BAP1: variants seen among roughly 807,000 people sequenced by gnomAD.
BAP1 encodes BRCA1 associated deubiquitinase 1, also known as ubiquitin carboxyl-terminal hydrolase BAP1.
BAP1 carries 16 observed loss-of-function variants against 77.2 expected under a neutral mutation model. The observed-to-expected ratio is 0.21, with a 90% confidence interval of 0.14 to 0.31. BAP1 has a LOEUF of 0.31. Ranked by LOEUF, BAP1 falls within the 10% of genes least tolerant of loss-of-function variation. The pLI is 1.00. For synonymous variants in BAP1, 362 were observed against 385.2 expected (o/e 0.94, Z 0.71); for missense variants, 699 against 967.3 (o/e 0.72, Z 3.68).
At position 52,401,740 on chromosome 3, in the gene BAP1, A is replaced by C; in HGVS notation, c.*548T>G. On this transcript the variant is annotated 3_prime_UTR_variant, in exon 17 of 17. Transcript: ENST00000460680. ...CTCTCCTAAGAGGAATGAAGAGAGA[A>C]GACCTGGCTTCCTTACAACAGGGAC... 1 of 246,160 alleles carries C rather than the reference A, an allele frequency of 4.1e-6. No homozygotes were observed. The highest frequency in any genetic ancestry group is 5.8e-5 in the East Asian group (1 of 17,294). The allele number at this position is 246,160 out of a possible 1,614,324, so 15.2% of individuals were successfully genotyped here. A position where few individuals can be genotyped will look rare whatever the true frequency, so the allele number is the denominator to read the frequency against.
chr3:52,409,520 G>T (rs937239222), intron 3 of BAP1, 34 bp downstream of exon 3: 1 of 1,613,444 alleles, frequency 6.2e-7, no homozygotes, highest in African/African-American at 1.3e-5. Flanking sequence ...AGCACTCTGG[G>T]TGTAAGGGGC....
rs2153226664 is a variant in BAP1, at chr3:52,403,576, G to A, written c.1569C>T (p.Val523=). The A allele has an allele frequency of 6.2e-7, 1 of 1,614,158 alleles. No individual in the cohort carries two copies. The highest frequency in any genetic ancestry group is 8.5e-7 in the Non-Finnish European group (1 of 1,180,016). ...AAAGCACCTTGGAGATGTGGGAGGT[G>A]ACAGGGCTGGAGGGCCGCGTCGGGT... The part of the protein sequence containing the change: ...SANPTRPSSP[V]TSHISKVLFG... The change falls in exon 13 of 17, where the codon GTC becomes GTT. Residue 523 remains valine (V), a synonymous_variant. Coordinates refer to ENST00000460680, the MANE Select transcript of BAP1 (RefSeq NM_004656.4). The surrounding 1 kb of genome is among the most constrained non-coding windows in gnomAD (Gnocchi z 4.0).
At chr3:52,405,721 C>A in intron 10 of BAP1, 44 bp downstream of exon 10, 1 of 1,610,196 alleles carries the variant, frequency 6.2e-7, no homozygotes, top group Non-Finnish European at 8.5e-7. Context: ...CAGACATTAG[C>A]GGGTGGCTCT....
intron 10 of BAP1, 198 bp from the exon 11 acceptor site, chr3:52,405,492 GAAAAAAA>G (rs71084182): frequency 2.0e-4 from 16 of 81,290 alleles, no homozygotes; most frequent in East Asian, 3.2e-4. Context: ...GAAGCAGGAA[GAAAAAAA>G]AAAAAAAAAA....
rs1705009525 is a variant in BAP1 at position 52,402,823 on chromosome 3, C to G, written c.1939G>C (p.Glu647Gln). The G allele has an allele frequency of 1.9e-6, 3 of 1,614,238 alleles. No homozygotes were observed. The highest frequency in any genetic ancestry group is 2.5e-6 in the Non-Finnish European group (3 of 1,180,042). Residue 647 changes from glutamate to glutamine, a missense_variant, in exon 15 of 17, where the codon GAG (glutamate) becomes CAG (glutamine). Glu to Gln is a conservative substitution (Grantham distance 29). Transcript: ENST00000460680. The surrounding 1 kb of genome is among the most constrained non-coding windows in gnomAD (Gnocchi z 5.3). ...TCTACCTCCTCCTTGAGGCACGCCT[C>G]ATAGTTTGCAATCTCAGCCTCCACA... is the stretch of plus-strand genomic sequence containing the variant. The part of the protein sequence containing the change: ...KCVEAEIANY[E>Q]ACLKEEVEKR...
At chr3:52,404,965 G>C in intron 11 of BAP1, 145 bp downstream of exon 11, 3 of 1,090,058 alleles carry the variant, frequency 2.8e-6, no homozygotes. Context: ...TTTCATATCA[G>C]GCAGAGGAAC....
intron 10 of BAP1, 83 bp from the exon 11 acceptor site, chr3:52,405,377 C>G: frequency 6.4e-7 from 1 of 1,562,496 alleles, no homozygotes; most frequent in South Asian, 1.1e-5. Flanking sequence ...TGTGAACCAG[C>G]ACTTCCCAGA....
chr3:52,405,492 G>GAGAA, intron 10 of BAP1, 198 bp from the exon 11 acceptor site: 1 of 79,626 alleles, frequency 1.3e-5, no homozygotes. Flanking sequence ...GAAGCAGGAA[G>GAGAA]AAAAAAAAAA....
At chr3:52,407,376 C>T (rs763153082) in intron 6 of BAP1, 23 bp downstream of exon 6, 1 of 1,613,924 alleles carries the variant, frequency 6.2e-7, no homozygotes, top group South Asian at 1.1e-5. Flanking sequence ...CACCCCACAT[C>T]AGCTCCCACA....
chr3:52,403,132 G>A lies in BAP1; in HGVS notation c.1890+6C>T, dbSNP rs759370336. 2 of 1,612,672 alleles carry A rather than the reference G, an allele frequency of 1.2e-6. No individual in the cohort carries two copies. Among genetic ancestry groups the A allele is most frequent in the African/African-American group, 1.3e-5 (1 of 75,046 alleles). On this transcript the variant is annotated splice_donor_region_variant and intron_variant, in intron 14 of 16. Coordinates refer to ENST00000460680, the MANE Select transcript of BAP1 (RefSeq NM_004656.4). This position sits in a 1 kb window ranked among gnomAD's most constrained non-coding sequence, Gnocchi z 4.0. The stretch of plus-strand genomic sequence containing the variant: ...ATTAAAGGAGAAAACCACAACGGAG[G>A]CTCACCTTGGGTGAGTATTTCTCCC...
rs768046980 is a variant in BAP1 at position 52,407,431 on chromosome 3, C to T, written c.405G>A (p.Pro135=). The change falls in exon 6 of 17, where the codon CCG becomes CCA. Residue 135 remains proline (P), a synonymous_variant. Transcript: ENST00000460680. ...GGCTATTATGGGCCTTGGCCAACTC[C>T]GGGGCATTGCCAATCGCATATCCTT... ...ESKGYAIGNA[P]ELAKAHNSHA... 12 of 1,614,056 alleles carry T rather than the reference C, an allele frequency of 7.4e-6. No homozygotes were observed. The highest frequency in any genetic ancestry group is 1.6e-4 in the Middle Eastern group (1 of 6,084).
chr3:52,403,339 C>T lies in BAP1; in HGVS notation c.1730-41G>A, dbSNP rs766582780. 11 of 1,612,760 alleles carry T rather than the reference C, an allele frequency of 6.8e-6. No individual in the cohort carries two copies. In the African/African-American group the frequency reaches 1.5e-4, roughly 22 times the overall value. On this transcript the variant is annotated intron_variant, in intron 13 of 16. Transcript: ENST00000460680. The surrounding 1 kb of genome is among the most constrained non-coding windows in gnomAD (Gnocchi z 4.0). ...ACAAGAAAATCATCAGAGTGCAGGACACTTTGTGGTCACTTGGCCACTTCC... is the reference window on the plus strand; with the variant it reads ...ACAAGAAAATCATCAGAGTGCAGGATACTTTGTGGTCACTTGGCCACTTCC...
rs1553645941 is a variant in BAP1, at chr3:52,408,019, C to A, written c.314G>T (p.Ser105Ile). Residue 105 changes from serine (S) to isoleucine (I), a missense_variant, in exon 5 of 17, where the codon AGC (serine) becomes ATC (isoleucine). Physicochemically the swap from Ser to Ile is moderately radical, Grantham distance 142 (BLOSUM62 -2). This residue lies in a region of BAP1 where 160 missense variants were observed against 322.8 expected (regional missense o/e 0.50). Coordinates refer to ENST00000460680, the MANE Select transcript of BAP1 (RefSeq NM_004656.4). ...ACTCAGGGTGGGTCCCAGGTCCACG[C>A]TGCTGCAGTTCAGGAGCACGCTCAG... is the stretch of plus-strand genomic sequence containing the variant. ...ALLSVLLNCS[S>I]VDLGPTLSRM... 6.2e-7 allele frequency: 1 copy of A among 1,613,880 alleles called. No individual in the cohort carries two copies.
intron 4 of BAP1, 53 bp downstream of exon 4, chr3:52,408,421 G>A (rs1168961252): frequency 3.1e-6 from 5 of 1,596,164 alleles, no homozygotes; most frequent in South Asian, 1.1e-5. Flanking sequence ...CACTTCCCAA[G>A]CAAAAACATG....
Position 52,406,405 on chromosome 3 carries a change from A to C in BAP1, c.660-29T>G. On this transcript the variant is annotated intron_variant, in intron 8 of 16. Coordinates refer to ENST00000460680, the MANE Select transcript of BAP1 (RefSeq NM_004656.4). The surrounding 1 kb of genome is among the most constrained non-coding windows in gnomAD (Gnocchi z 4.6). ...CAGTCACAGCCGCAGCCGTGAGAGC[A>C]GCTCCCGCCCCGGCCCCGCCATCAG... is the stretch of plus-strand genomic sequence containing the variant. 6.2e-7 allele frequency: 1 copy of C among 1,611,462 alleles called. No individual in the cohort carries two copies. The highest frequency in any genetic ancestry group is 8.5e-7 in the Non-Finnish European group (1 of 1,179,898).
Position 52,406,888 on chromosome 3 carries a change from C to T in BAP1, c.600G>A (p.Glu200=), listed in dbSNP as rs1225054800. Reference sequence around the variant, plus strand: ...CCCGCCGGGCCTTGTCTGTCCACTCCTCGTCCTCCCCCCAGGGCCCTAGTG... The same window carrying T: ...CCCGCCGGGCCTTGTCTGTCCACTCTTCGTCCTCCCCCCAGGGCCCTAGTG... ...PIDHGPWGED[E]EWTDKARRVI... Residue 200 remains glutamate (E), a synonymous_variant, in exon 8 of 17, where the codon GAG becomes GAA. Coordinates refer to ENST00000460680, the MANE Select transcript of BAP1 (RefSeq NM_004656.4). The surrounding 1 kb of genome is among the most constrained non-coding windows in gnomAD (Gnocchi z 4.6). 1 of 1,571,228 alleles carries T rather than the reference C, an allele frequency of 6.4e-7. No homozygotes were observed. The highest frequency in any genetic ancestry group is 8.6e-7 in the Non-Finnish European group (1 of 1,157,306).
Position 52,406,085 on chromosome 3 carries a change from T to TC in BAP1, c.783+167dup, listed in dbSNP as rs1705147536. 2.6e-5 allele frequency among the ~76,000 whole-genome samples: 4 copies of TC among 152,100 alleles called. No homozygotes were observed. The South Asian group carries it at 8.3e-4, about 32-fold the overall frequency. On this transcript the variant is annotated intron_variant, in intron 9 of 16. Transcript: ENST00000460680. This position sits in a 1 kb window ranked among gnomAD's most constrained non-coding sequence, Gnocchi z 4.6. ...TTTAGAAGCTATTCTCCCTCCCCAC[T>TC]CCAAGTCCCACCTTTCCCACAATGG...
At chr3:52,404,701 C>T in intron 11 of BAP1, 115 bp from the exon 12 acceptor site, 1 of 1,452,892 alleles carries the variant, frequency 6.9e-7, no homozygotes, top group Non-Finnish European at 9.3e-7. Context: ...CAGCGGAACC[C>T]CTCCAGCTGT....
At position 52,403,065 on chromosome 3, in the gene BAP1, G is replaced by A; in HGVS notation, c.1890+73C>T. On this transcript the variant is annotated intron_variant, in intron 14 of 16. Transcript: ENST00000460680. The surrounding 1 kb of genome is among the most constrained non-coding windows in gnomAD (Gnocchi z 4.0). ...ACACCAAAGTTCCAATCAAGAACTT[G>A]GCACCTGGGCAGGAGGAGCTCAGGC... The A allele has an allele frequency of 6.2e-7, 1 of 1,601,750 alleles. No homozygotes were observed. The highest frequency in any genetic ancestry group is 1.7e-5 in the Admixed American group (1 of 59,950).
Sources: gnomAD v4.1 joint callset for allele counts (sites outside exome capture counted in the v4.1 genomes callset) on GRCh38, gnomAD v4.1.1 for gene constraint, gnomAD v4.1.1 regional missense constraint, Gnocchi (gnomAD v3.1) non-coding constraint, MANE v1.5 for transcripts, NCBI Gene and HGNC (gene_info 2026-07-23, HGNC 2026-07-21) for gene names.